Variants in TIAM1 observed in about 807,000 individuals in gnomAD.
The protein encoded by TIAM1 is TIAM Rac1 associated GEF 1.
Under a neutral mutation model 163.5 loss-of-function variants are expected in TIAM1, and 65 were observed. The observed-to-expected ratio is 0.40, with a 90% CI of 0.33 to 0.49. The LOEUF (loss-of-function observed/expected upper bound fraction) is 0.49. TIAM1 is among the 20% of genes least tolerant of loss of function. The pLI is 0.77. For missense variants in TIAM1, 1,789 were observed against 2,044.7 expected, an observed-to-expected ratio of 0.87 and a Z score of 2.41; for synonymous variants, 833 against 810.1, an observed-to-expected ratio of 1.03 and a Z score of -0.48.
intron 2 of TIAM1, among the ~76,000 whole-genome samples, chr21:31,293,697 G>A (rs2074118066): frequency 1.3e-5 from 2 of 152,350 alleles, no homozygotes; most frequent in South Asian, 4.1e-4. Context: ...GGGGCATGAA[G>A]AGGTCGCTGC....
At chr21:31,332,911 C>T (rs1357738152) in intron 2 of TIAM1, among the ~76,000 whole-genome samples, 1 of 151,972 alleles carries the variant, frequency 6.6e-6, no homozygotes, top group East Asian at 1.9e-4. Flanking sequence ...ACTAAGAGTC[C>T]ACATTGGTTT....
intron 2 of TIAM1, among the ~76,000 whole-genome samples, chr21:31,446,026 G>C (rs1783508): frequency 0.82 from 124,860 of 152,174 alleles, 51,579 homozygotes; most frequent in East Asian, 0.92. Context: ...CTGCAATCTC[G>C]GCCTCCCAGG....
intron 2 of TIAM1, among the ~76,000 whole-genome samples, chr21:31,429,772 A>T (rs1236531751): frequency 6.6e-6 from 1 of 152,032 alleles, no homozygotes; most frequent in Non-Finnish European, 1.5e-5. Flanking sequence ...GCTCCCAGTC[A>T]TCCAGATGGG....
chr21:31,348,459 C>T (rs1006144250), upstream of TIAM1, among the ~76,000 whole-genome samples: 1 of 152,190 alleles, frequency 6.6e-6, no homozygotes, highest in South Asian at 2.1e-4. Context: ...GTGTCAACAC[C>T]GTCAAATTAC....
At chr21:31,405,476 A>G (rs1012027982) in intron 2 of TIAM1, among the ~76,000 whole-genome samples, 1 of 152,052 alleles carries the variant, frequency 6.6e-6, no homozygotes, top group African/African-American at 2.4e-5. Flanking sequence ...CCCCTGTATT[A>G]GTCCACTTTC....
At chr21:31,494,392 C>T (rs940328408) in intron 1 of TIAM1, among the ~76,000 whole-genome samples, 3 of 152,200 alleles carry the variant, frequency 2.0e-5, no homozygotes, top group African/African-American at 7.2e-5. Flanking sequence ...ATGAAGAATC[C>T]TCTTTCTCCC....
At chr21:31,442,883 T>C (rs2147305722) in intron 2 of TIAM1, among the ~76,000 whole-genome samples, 1 of 152,326 alleles carries the variant, frequency 6.6e-6, no homozygotes, top group East Asian at 1.9e-4. Flanking sequence ...AGAAAGACCA[T>C]GCACCAGGTC....
At chr21:31,304,242 A>G (rs2074610965) in intron 2 of TIAM1, among the ~76,000 whole-genome samples, 1 of 152,242 alleles carries the variant, frequency 6.6e-6, no homozygotes, top group South Asian at 2.1e-4. Flanking sequence ...AGTTAGTATC[A>G]GAGGCATAAG....
intron 1 of TIAM1, among the ~76,000 whole-genome samples, chr21:31,481,825 T>C (rs760122614): frequency 2.6e-4 from 37 of 143,364 alleles, no homozygotes; most frequent in Non-Finnish European, 3.4e-4. Flanking sequence ...TCTTACAGCA[T>C]GAGTGAGTAA....
In TIAM1 at chr21:31,181,782, T is replaced by C. The variant is rs1351667059; in HGVS notation, c.2887+639A>G. Among the ~76,000 whole-genome samples, 986 of 85,600 alleles carry C rather than the reference T, an allele frequency of 0.012. 137 individuals carry two copies. The East Asian group carries it at 0.21, about 18-fold the overall frequency. The allele number at this position is 85,600 out of a possible 152,430, so 56.2% of individuals were successfully genotyped here. On this transcript the variant is annotated intron_variant, in intron 15 of 27. Transcript: ENST00000541036. Reference sequence around the variant, plus strand: ...TTTTTTTTTTTTTTTTTTTTTTTTTTTTTTTTTTTTTTTTTTTTTTTTTAC... The same window carrying C: ...TTTTTTTTTTTTTTTTTTTTTTTTTCTTTTTTTTTTTTTTTTTTTTTTTAC...
intron 16 of TIAM1, among the ~76,000 whole-genome samples, chr21:31,155,661 C>T (rs1045890231): frequency 2.0e-5 from 3 of 152,138 alleles, no homozygotes; most frequent in Non-Finnish European, 2.9e-5. Context: ...CCCGCCACCA[C>T]GCCCGGCTAT....
chr21:31,218,217 C>A (rs1183327564), intron 8 of TIAM1, among the ~76,000 whole-genome samples: 11 of 152,176 alleles, frequency 7.2e-5, no homozygotes, highest in Admixed American at 7.2e-4. Context: ...GTTTTAAAAT[C>A]AGACGAGTGA....
intron 1 of TIAM1, among the ~76,000 whole-genome samples, chr21:31,556,300 T>C (rs1035827247): frequency 1.3e-5 from 2 of 152,312 alleles, no homozygotes; most frequent in South Asian, 2.1e-4. Context: ...AACAGCCGAA[T>C]AGGGGTTCAC....
chr21:31,249,400 T>C (rs2071674898), intron 5 of TIAM1, among the ~76,000 whole-genome samples: 2 of 152,142 alleles, frequency 1.3e-5, no homozygotes, highest in Non-Finnish European at 2.9e-5. Context: ...ATTTCCACCA[T>C]CCAGTCTGTG....
At chr21:31,221,195 T>C (rs2087535849) in intron 8 of TIAM1, among the ~76,000 whole-genome samples, 1 of 152,184 alleles carries the variant, frequency 6.6e-6, no homozygotes, top group East Asian at 1.9e-4. Context: ...CTGCCCGGGA[T>C]CTTCCACAGG....
At chr21:31,248,650 T>C (rs2071631548) in intron 5 of TIAM1, among the ~76,000 whole-genome samples, 1 of 152,246 alleles carries the variant, frequency 6.6e-6, no homozygotes, top group South Asian at 2.1e-4. Flanking sequence ...TTCTGCTTTT[T>C]ATTTCCCAAT....
chr21:31,440,329 A>G (rs2044373037), intron 2 of TIAM1, among the ~76,000 whole-genome samples: 1 of 152,218 alleles, frequency 6.6e-6, no homozygotes, highest in Admixed American at 6.5e-5. Flanking sequence ...ACTACATCTC[A>G]TGCAGGTCCA....
chr21:31,372,511 G>A lies in TIAM1; in HGVS notation c.-368-33089C>T, dbSNP rs1473431091. Among the ~76,000 whole-genome samples, 5 of 152,276 alleles carry A rather than the reference G, an allele frequency of 3.3e-5. 1 individual carries two copies. The highest frequency in any genetic ancestry group is 2.1e-4 in the South Asian group (1 of 4,826). Reference sequence around the variant, plus strand: ...AAGAACCACGAGAGCAGTGGGAGAGGAGCCACAGAAATCAGTCTGGCAAGA... The same window carrying A: ...AAGAACCACGAGAGCAGTGGGAGAGAAGCCACAGAAATCAGTCTGGCAAGA... On this transcript the variant is annotated intron_variant, in intron 2 of 28. Coordinates refer to the TIAM1 transcript ENST00000286827.
At chr21:31,261,989 C>T (rs926096560) in intron 4 of TIAM1, among the ~76,000 whole-genome samples, 1 of 152,146 alleles carries the variant, frequency 6.6e-6, no homozygotes, top group South Asian at 2.1e-4. Context: ...AACGGCTCCA[C>T]GCCAAAGCTT....
Sources: allele counts gnomAD v4.1 joint callset (sites outside exome capture counted in the v4.1 genomes callset), GRCh38; gene constraint gnomAD v4.1.1; transcripts MANE v1.5; gene names NCBI Gene and HGNC (gene_info 2026-07-23, HGNC 2026-07-21).